Variants in ENTPD5 observed in about 807,000 individuals in gnomAD.
ENTPD5 encodes ectonucleoside triphosphate diphosphohydrolase 5 (inactive).
Under a neutral mutation model 60.2 loss-of-function variants are expected in ENTPD5, and 49 were observed. The ratio of observed to expected loss-of-function variants is 0.81; its 90% CI spans 0.65 to 1.03. The LOEUF (loss-of-function observed/expected upper bound fraction) is 1.03, where lower values mean the gene tolerates loss of function less well. Among genes scored for constraint, ENTPD5 ranks in the 50% least tolerant of loss-of-function variants. The pLI is 0.00. For missense variants in ENTPD5, 480 were observed against 507.6 expected (o/e 0.95, Z 0.52); for synonymous variants, 187 against 185.4 (o/e 1.01, Z -0.07).
chr14:73,996,059 C>T (rs1008676033), intron 3 of ENTPD5: 30 of 798,358 alleles, frequency 3.8e-5, no homozygotes, highest in Admixed American at 6.2e-5. Flanking sequence ...TCCCCGGAAG[C>T]CTGAGAGACC....
rs140025253 is a variant in ENTPD5 at position 73,999,488 on chromosome 14, C to T, written c.-70-11316G>A. Among the ~76,000 whole-genome samples the T allele has an allele frequency of 1.4e-3, 205 of 146,812 alleles. 1 individual carries two copies. The highest frequency in any genetic ancestry group is 4.0e-3 in the Middle Eastern group (1 of 250). ...GGGTGACAGAGTAAGACTCTGCCCC[C>T]CACCCCCCCAAAAAAAACAAAGGTA... On this transcript the variant is annotated intron_variant, in intron 3 of 15. Coordinates refer to ENST00000334696, the MANE Select transcript of ENTPD5 (RefSeq NM_001249.5).
At chr14:73,981,415 C>T (rs1243463830) in intron 6 of ENTPD5, among the ~76,000 whole-genome samples, 2 of 151,760 alleles carry the variant, frequency 1.3e-5, no homozygotes, top group Non-Finnish European at 2.9e-5. Context: ...AGAAGAATTG[C>T]TTGAACCTGG....
At chr14:73,988,242 T>C (rs1477321662) in intron 3 of ENTPD5, 70 bp from the exon 4 acceptor site, 2 of 1,389,344 alleles carry the variant, frequency 1.4e-6, no homozygotes, top group South Asian at 1.5e-5. Context: ...GAAGAAACAC[T>C]CACTCCTGGG....
intron 2 of ENTPD5, among the ~76,000 whole-genome samples, chr14:74,012,998 T>C (rs2058891754): frequency 6.6e-6 from 1 of 152,186 alleles, no homozygotes; most frequent in Non-Finnish European, 1.5e-5. Flanking sequence ...TTAGAGTGTT[T>C]TGCCTACTTG....
At chr14:74,007,480 C>T (rs1288258399) in intron 3 of ENTPD5, among the ~76,000 whole-genome samples, 3 of 151,820 alleles carry the variant, frequency 2.0e-5, no homozygotes, top group Non-Finnish European at 4.4e-5. Context: ...TGAGATCACG[C>T]CACTGCACTC....
At chr14:74,014,585 G>A (rs2058955388) in intron 2 of ENTPD5, among the ~76,000 whole-genome samples, 1 of 151,710 alleles carries the variant, frequency 6.6e-6, no homozygotes, top group African/African-American at 2.4e-5. Flanking sequence ...AATTATCTGT[G>A]GTAACATATC....
At chr14:73,958,744 C>T, downstream of ENTPD5, 2 of 1,437,558 alleles carry the variant, frequency 1.4e-6, no homozygotes, top group Non-Finnish European at 9.1e-7. Context: ...CTGAGTTTAA[C>T]TCATGGCTGG....
In ENTPD5 at chr14:74,001,552, G is replaced by A. The variant is rs556037659; in HGVS notation, c.-71+9539C>T. 1.3e-4 allele frequency among the ~76,000 whole-genome samples: 20 copies of A among 148,808 alleles called. No homozygotes were observed. In the East Asian group the frequency reaches 3.2e-3, roughly 24 times the overall value. On this transcript the variant is annotated intron_variant, in intron 3 of 15. Coordinates refer to ENST00000334696, the MANE Select transcript of ENTPD5 (RefSeq NM_001249.5). ...GCATGGTGGCGGGCACCTGTAGTCCGAGCTACTCGGGAGGCTGAGGCAGGA... is the reference window on the plus strand; with the variant it reads ...GCATGGTGGCGGGCACCTGTAGTCCAAGCTACTCGGGAGGCTGAGGCAGGA...
At chr14:74,009,654 G>A (rs1421746221) in intron 3 of ENTPD5, among the ~76,000 whole-genome samples, 2 of 152,168 alleles carry the variant, frequency 1.3e-5, no homozygotes, top group Non-Finnish European at 2.9e-5. Context: ...ACAAGGTCTT[G>A]CTCTGTCACC....
rs1029655473 is a variant in ENTPD5 at position 73,963,358 on chromosome 14, AGTT to A, written c.*3567_*3569del. On this transcript the variant is annotated 3_prime_UTR_variant, in exon 16 of 16. Transcript: ENST00000334696. ...TTTAATGTTGGTCATAAATTTATAC[AGTT>A]GTTTTTTGATAGAGGTAAGAATTAG... 4.7e-5 allele frequency: 18 copies of A among 383,632 alleles called. No homozygotes were observed. Among genetic ancestry groups the A allele is most frequent in the African/African-American group, 1.0e-4 (5 of 48,416 alleles). The allele number at this position is 383,632 out of a possible 1,614,324, so 23.8% of individuals were successfully genotyped here. A position where few individuals can be genotyped will look rare whatever the true frequency, so the allele number is the denominator to read the frequency against.
chr14:73,977,473 A>AT (rs2057494378), intron 6 of ENTPD5, 99 bp from the exon 7 acceptor site: 1 of 878,062 alleles, frequency 1.1e-6, no homozygotes, highest in Non-Finnish European at 1.7e-6. Flanking sequence ...AAACTACTCC[A>AT]TTTTTCCTAG....
rs1566715854 is a variant in ENTPD5 at position 73,973,874 on chromosome 14, T to G, written c.886+3A>C. The G allele has an allele frequency of 6.2e-7, 1 of 1,613,264 alleles. No individual in the cohort carries two copies. The highest frequency in any genetic ancestry group is 1.7e-5 in the Admixed American group (1 of 60,002). On this transcript the variant is annotated splice_donor_region_variant and intron_variant, in intron 12 of 15. Coordinates refer to ENST00000334696, the MANE Select transcript of ENTPD5 (RefSeq NM_001249.5). ...CTTTAACCAGTGAAAAAACATCACT[T>G]GCCTTCTTGGTTGCCACCATACTGG...
chr14:74,018,384 A>C (rs2059125749), intron 1 of ENTPD5: 1 of 152,218 alleles, frequency 6.6e-6, no homozygotes, highest in Admixed American at 6.5e-5. Context: ...CACATTTAAA[A>C]TAAACTTTTT....
intron 6 of ENTPD5, 88 bp downstream of exon 6, chr14:73,982,930 G>C (rs551427816): frequency 7.4e-7 from 1 of 1,345,744 alleles, no homozygotes; most frequent in East Asian, 2.3e-5. Context: ...ACTGAAGGTA[G>C]TGGTCACATT....
chr14:73,988,218 T>C, intron 3 of ENTPD5, 46 bp from the exon 4 acceptor site: 1 of 1,449,564 alleles, frequency 6.9e-7, no homozygotes, highest in African/African-American at 1.4e-5. Flanking sequence ...GCTTTTTTAG[T>C]TACACCTGTA....
intron 3 of ENTPD5, among the ~76,000 whole-genome samples, chr14:74,003,724 C>A (rs927529777): frequency 4.0e-5 from 6 of 151,132 alleles, no homozygotes; most frequent in African/African-American, 7.3e-5. Context: ...TACTTGTGGC[C>A]GAGTATAACA....
At chr14:73,958,089 TCCTCAG>T, downstream of ENTPD5, 1 of 1,412,890 alleles carries the variant, frequency 7.1e-7, no homozygotes, top group Non-Finnish European at 1.0e-6. Context: ...TATGGCTTTT[TCCTCAG>T]CCTATGTGGC....
downstream of ENTPD5, chr14:73,961,007 G>C: frequency 1.3e-6 from 1 of 793,782 alleles, no homozygotes; most frequent in Non-Finnish European, 2.1e-6. Flanking sequence ...GGGGAGTGAT[G>C]AGAAGTTGCT....
At chr14:73,982,994 C>A in intron 6 of ENTPD5, 24 bp downstream of exon 6, 1 of 1,607,948 alleles carries the variant, frequency 6.2e-7, no homozygotes, top group Non-Finnish European at 8.5e-7. Flanking sequence ...GCAGAATGAT[C>A]CAAGATGCAG....
Sources: gnomAD v4.1 joint callset for allele counts (sites outside exome capture counted in the v4.1 genomes callset) on GRCh38, gnomAD v4.1.1 for gene constraint, MANE v1.5 for transcripts, NCBI Gene and HGNC (gene_info 2026-07-23, HGNC 2026-07-21) for gene names.